The following CACNB4 variants were observed in gnomAD, a reference collection of about 807,000 sequenced individuals.
The protein encoded by CACNB4 is calcium voltage-gated channel auxiliary subunit beta 4.
In CACNB4, 32 loss-of-function variants were observed where a neutral mutation model predicts 71.2. The observed-to-expected ratio is 0.45, with a 90% CI of 0.34 to 0.60. The LOEUF (loss-of-function observed/expected upper bound fraction) is 0.60. CACNB4 is among the 20% of genes least tolerant of loss of function. CACNB4 has a pLI of 0.01. For missense variants in CACNB4, 464 were observed against 647.9 expected, an observed-to-expected ratio of 0.72 and a Z score of 3.08; for synonymous variants, 231 against 236.9, an observed-to-expected ratio of 0.97 and a Z score of 0.23.
intron 12 of CACNB4, among the ~76,000 whole-genome samples, chr2:151,849,544 G>A (rs2099838492): frequency 6.6e-6 from 1 of 152,154 alleles, no homozygotes; most frequent in African/African-American, 2.4e-5. Flanking sequence ...CTGAGTAGCT[G>A]GGACTACAGG....
chr2:152,092,651 T>C (rs904756184), intron 2 of CACNB4, among the ~76,000 whole-genome samples: 2 of 152,154 alleles, frequency 1.3e-5, no homozygotes, highest in Non-Finnish European at 2.9e-5. Context: ...AATGAATGTC[T>C]TAAATGCATT....
chr2:152,013,300 C>G (rs1010411365), intron 2 of CACNB4, among the ~76,000 whole-genome samples: 2 of 152,184 alleles, frequency 1.3e-5, no homozygotes, highest in African/African-American at 4.8e-5. Context: ...AGAATATACA[C>G]AGGCCATATG....
chr2:151,969,105 C>T (rs2099871874), intron 2 of CACNB4: 1 of 152,222 alleles, frequency 6.6e-6, no homozygotes, highest in South Asian at 2.1e-4. Context: ...AGTAAAACAA[C>T]TTGATTTTTC....
At chr2:151,955,828 A>G (rs565994517) in intron 2 of CACNB4, among the ~76,000 whole-genome samples, 1 of 152,130 alleles carries the variant, frequency 6.6e-6, no homozygotes, top group African/African-American at 2.4e-5. Context: ...CTTGAGCCCA[A>G]GATGTCAAGG....
intron 2 of CACNB4, among the ~76,000 whole-genome samples, chr2:152,012,404 G>A (rs1477437740): frequency 6.6e-6 from 1 of 152,126 alleles, no homozygotes; most frequent in Admixed American, 6.6e-5. Flanking sequence ...AGGAGTTCCA[G>A]ACCAGCCTGA....
chr2:152,089,897 G>A (rs372537563), intron 2 of CACNB4, among the ~76,000 whole-genome samples: 1 of 152,244 alleles, frequency 6.6e-6, no homozygotes, highest in East Asian at 1.9e-4. Flanking sequence ...ACACGACCCT[G>A]TCTCAAAAAG....
chr2:152,093,220 T>A (rs555177225), intron 2 of CACNB4, among the ~76,000 whole-genome samples: 1 of 152,330 alleles, frequency 6.6e-6, no homozygotes, highest in East Asian at 1.9e-4. Context: ...CTGCCTTCTC[T>A]TCTTTTTTTA....
chr2:151,985,591 C>T (rs550848953), intron 2 of CACNB4, among the ~76,000 whole-genome samples: 8 of 152,084 alleles, frequency 5.3e-5, no homozygotes, highest in Admixed American at 2.0e-4. Flanking sequence ...ACCAACAATA[C>T]GACAAACAGG....
intron 2 of CACNB4, among the ~76,000 whole-genome samples, chr2:151,964,639 G>C (rs2099870574): frequency 6.6e-6 from 1 of 152,178 alleles, no homozygotes; most frequent in African/African-American, 2.4e-5. Context: ...CCCTGTGTTA[G>C]ACATGTTAAA....
chr2:151,899,542 T>C (rs1250171566), intron 2 of CACNB4, among the ~76,000 whole-genome samples: 1 of 152,216 alleles, frequency 6.6e-6, no homozygotes, highest in Non-Finnish European at 1.5e-5. Flanking sequence ...CTTAATTGTT[T>C]AGTTTTAACT....
intron 2 of CACNB4, among the ~76,000 whole-genome samples, chr2:152,042,840 G>A (rs184849388): frequency 4.2e-4 from 64 of 152,134 alleles, no homozygotes; most frequent in African/African-American, 1.3e-3. Flanking sequence ...ACAGGAGGTC[G>A]GCACAAGATA....
chr2:151,927,331 A>C (rs980247268), intron 2 of CACNB4, among the ~76,000 whole-genome samples: 2 of 152,212 alleles, frequency 1.3e-5, no homozygotes, highest in African/African-American at 4.8e-5. Flanking sequence ...AATCTAACAC[A>C]CAAGGGGAGA....
At chr2:151,988,029 C>T (rs1443258325) in intron 2 of CACNB4, among the ~76,000 whole-genome samples, 2 of 152,120 alleles carry the variant, frequency 1.3e-5, no homozygotes, top group East Asian at 1.9e-4. Context: ...AGTAATTTAT[C>T]GCCAACTGAA....
In CACNB4 at chr2:151,846,553, G is replaced by GT. The variant is rs2099837637; in HGVS notation, c.1117-4466dup. Reference sequence around the variant, plus strand: ...CTTTTGTTTGTTTGTTTTTTGTTTTGTTTTGTTTTGTTTTTTGGAGATAGG... The same window carrying GT: ...CTTTTGTTTGTTTGTTTTTTGTTTTGTTTTTGTTTTGTTTTTTGGAGATAGG... On this transcript the variant is annotated intron_variant, in intron 12 of 13. Coordinates refer to ENST00000539935, the MANE Select transcript of CACNB4 (RefSeq NM_000726.5). Among the ~76,000 whole-genome samples the GT allele has an allele frequency of 2.6e-5, 4 of 151,892 alleles. No individual in the cohort carries two copies. In the South Asian group the frequency reaches 8.3e-4, roughly 32 times the overall value.
intron 2 of CACNB4, among the ~76,000 whole-genome samples, chr2:151,963,880 C>T (rs1300458550): frequency 2.0e-5 from 3 of 151,766 alleles, no homozygotes; most frequent in South Asian, 4.2e-4. Context: ...CCAGCCTGGC[C>T]AACATGGTGA....
At chr2:151,897,349 T>C (rs905397655) in intron 2 of CACNB4, among the ~76,000 whole-genome samples, 2 of 152,176 alleles carry the variant, frequency 1.3e-5, no homozygotes, top group African/African-American at 4.8e-5. Context: ...AATCGGTCAT[T>C]TGAATTGACA....
intron 2 of CACNB4, among the ~76,000 whole-genome samples, chr2:152,089,508 G>A (rs1439983977): frequency 6.6e-6 from 1 of 152,152 alleles, no homozygotes; most frequent in East Asian, 1.9e-4. Context: ...CATCTCAGAG[G>A]ATACATGTTT....
rs1182252663 is a variant in CACNB4 at position 152,050,578 on chromosome 2, C to CA, written c.147+47751dup. On this transcript the variant is annotated intron_variant, in intron 2 of 13. Coordinates refer to ENST00000539935, the MANE Select transcript of CACNB4 (RefSeq NM_000726.5). ...AGGAAAGGAAAATGCAAGACCAGTG[C>CA]AGCGGCTCACACCTGCAATCCCAGC... Among the ~76,000 whole-genome samples, 17 of 152,200 alleles carry CA rather than the reference C, an allele frequency of 1.1e-4. No individual in the cohort carries two copies. The East Asian group carries it at 3.3e-3, about 30-fold the overall frequency.
chr2:151,967,604 G>T (rs1465073958), intron 2 of CACNB4: 1 of 151,814 alleles, frequency 6.6e-6, no homozygotes, highest in Admixed American at 6.6e-5. Flanking sequence ...CCTATATGAT[G>T]CTCAGGCTAA....
Sources: gnomAD v4.1 joint callset for allele counts (sites outside exome capture counted in the v4.1 genomes callset) on GRCh38, gnomAD v4.1.1 for gene constraint, MANE v1.5 for transcripts, NCBI Gene and HGNC (gene_info 2026-07-23, HGNC 2026-07-21) for gene names.